The following ZFHX3 variants were observed in gnomAD, a reference collection of about 807,000 sequenced individuals.
ZFHX3 encodes zinc finger homeobox protein 3.
ZFHX3 carries 42 observed loss-of-function variants against 279.1 expected under a neutral mutation model. The ratio of observed to expected loss-of-function variants is 0.15; its 90% confidence interval spans 0.12 to 0.19. The LOEUF is 0.19. ZFHX3 is among the 10% of genes least tolerant of loss of function. The probability of loss-of-function intolerance (pLI) is 1.00; values close to 1 mark genes in which losing one functional copy is unlikely to be tolerated. For synonymous variants in ZFHX3, 2,293 were observed against 1,957.8 expected, an observed-to-expected ratio of 1.17 and a Z score of -4.52; for missense variants, 4,981 against 4,754.0, an observed-to-expected ratio of 1.05 and a Z score of -1.40.
At chr16:72,961,743 G>A (rs1172635884) in intron 1 of ZFHX3, among the ~76,000 whole-genome samples, 2 of 152,040 alleles carry the variant, frequency 1.3e-5, no homozygotes, top group Non-Finnish European at 2.9e-5. Context: ...TAACTTTTTG[G>A]AAGAATAAAG....
At chr16:73,818,601 C>T (rs1239692471) in intron 1 of ZFHX3, among the ~76,000 whole-genome samples, 1 of 152,188 alleles carries the variant, frequency 6.6e-6, no homozygotes, top group Non-Finnish European at 1.5e-5. Flanking sequence ...GACACCCACA[C>T]TCAATTCAAC....
intron 3 of ZFHX3, among the ~76,000 whole-genome samples, chr16:73,396,423 T>A (rs2017130377): frequency 1.4e-5 from 1 of 70,388 alleles, no homozygotes; most frequent in Non-Finnish European, 4.7e-5. Flanking sequence ...GAAGACTCAT[T>A]TATTTTTTTT....
intron 7 of ZFHX3, among the ~76,000 whole-genome samples, chr16:73,128,546 C>T (rs1483255937): frequency 2.0e-5 from 3 of 152,054 alleles, no homozygotes; most frequent in Non-Finnish European, 4.4e-5. Context: ...TTTTCCTATA[C>T]TGGCTCTCAG....
intron 5 of ZFHX3, among the ~76,000 whole-genome samples, chr16:73,223,567 G>A (rs1344653744): frequency 6.6e-6 from 1 of 152,182 alleles, no homozygotes; most frequent in Non-Finnish European, 1.5e-5. Context: ...TACTGGTGAG[G>A]ATATGGAGCA....
intron 2 of ZFHX3, among the ~76,000 whole-genome samples, chr16:73,660,571 G>A (rs2052771129): frequency 6.6e-6 from 1 of 151,920 alleles, no homozygotes; most frequent in African/African-American, 2.4e-5. Context: ...TTTTTTAAAA[G>A]GGAAAAAGGA....
At chr16:73,706,354 C>T (rs1488958134) in intron 1 of ZFHX3, among the ~76,000 whole-genome samples, 6 of 150,816 alleles carry the variant, frequency 4.0e-5, no homozygotes, top group Non-Finnish European at 7.4e-5. Flanking sequence ...CCCAGCTACT[C>T]GGGAGGCTGA....
Position 72,794,226 on chromosome 16 carries a change from G to A in ZFHX3, c.8456C>T (p.Ser2819Phe). 5 of 1,614,184 alleles carry A rather than the reference G, an allele frequency of 3.1e-6. No homozygotes were observed. The highest frequency in any genetic ancestry group is 1.1e-5 in the South Asian group (1 of 91,082). The change falls in exon 9 of 10, where the codon TCC (serine) becomes TTC (phenylalanine). Residue 2819 changes from serine to phenylalanine, a missense_variant. Around this residue, in one of 7 missense-constraint regions of ZFHX3, gnomAD observed 744 missense variants for 701.3 expected, o/e 1.06. Transcript: ENST00000268489. This position sits in a 1 kb window ranked among gnomAD's most constrained non-coding sequence, Gnocchi z 4.2. The part of the protein sequence containing the change: ...GIEDFESPSM[S>F]SVNLNFDQTK... Reference sequence around the variant, plus strand: ...TTGGTCAAAGTTTAGATTAACTGAGGACATGGAGGGGCTTTCAAAGTCTTC... The same window carrying A: ...TTGGTCAAAGTTTAGATTAACTGAGAACATGGAGGGGCTTTCAAAGTCTTC...
chr16:72,805,538 A>ATTG (rs770665679), intron 7 of ZFHX3, among the ~76,000 whole-genome samples: 2,142 of 152,344 alleles, frequency 0.014, 23 homozygotes, highest in African/African-American at 0.02. Context: ...AGACCAAGCC[A>ATTG]GTCTCTACAT....
intron 5 of ZFHX3, among the ~76,000 whole-genome samples, chr16:73,177,232 G>C (rs1967685677): frequency 6.6e-6 from 1 of 152,188 alleles, no homozygotes; most frequent in African/African-American, 2.4e-5. Context: ...GTGAGATAAT[G>C]GTTGGAGGGA....
chr16:73,054,168 C>T (rs1313805328), intron 1 of ZFHX3, among the ~76,000 whole-genome samples: 1 of 152,166 alleles, frequency 6.6e-6, no homozygotes, highest in Non-Finnish European at 1.5e-5. Context: ...CCATGCTCCA[C>T]GTTTCACTTA....
chr16:73,605,283 C>T (rs1385798459), intron 2 of ZFHX3, among the ~76,000 whole-genome samples: 1 of 152,178 alleles, frequency 6.6e-6, no homozygotes. Context: ...TCGCTGAAAA[C>T]CTCATCGTGG....
At chr16:73,455,526 T>C (rs1201798353) in intron 3 of ZFHX3, among the ~76,000 whole-genome samples, 1 of 152,128 alleles carries the variant, frequency 6.6e-6, no homozygotes. Flanking sequence ...AGGATGTGTA[T>C]GTGGAAGCCA....
At chr16:72,833,031 T>C (rs1250257062) in intron 4 of ZFHX3, among the ~76,000 whole-genome samples, 1 of 152,194 alleles carries the variant, frequency 6.6e-6, no homozygotes, top group Non-Finnish European at 1.5e-5. Context: ...AAAACAGAGA[T>C]GCAAACTGAA....
At chr16:72,962,351 A>T (rs1961620966) in intron 1 of ZFHX3, among the ~76,000 whole-genome samples, 1 of 152,180 alleles carries the variant, frequency 6.6e-6, no homozygotes, top group Non-Finnish European at 1.5e-5. Context: ...AGAGGCTGGG[A>T]CTTTTAAAAC....
At chr16:73,622,488 G>C (rs1597032797) in intron 2 of ZFHX3, among the ~76,000 whole-genome samples, 1 of 152,186 alleles carries the variant, frequency 6.6e-6, no homozygotes, top group Non-Finnish European at 1.5e-5. Flanking sequence ...TGTGAACCGG[G>C]GAGGTGGAGC....
At position 73,121,465 on chromosome 16, in the gene ZFHX3, A is replaced by G. The variant is rs559479112; in HGVS notation, c.-897+9503T>C. Among the ~76,000 whole-genome samples, 4 of 152,296 alleles carry G rather than the reference A, an allele frequency of 2.6e-5. No homozygotes were observed. In the South Asian group the frequency reaches 8.3e-4, roughly 32 times the overall value. On this transcript the variant is annotated intron_variant, in intron 7 of 17. Coordinates refer to the ZFHX3 transcript ENST00000641206. ...CACACATGGCTTGTACTGTGTTTCT[A>G]CTGGACATCTTTGGCCTAGACCATT...
intron 1 of ZFHX3, among the ~76,000 whole-genome samples, chr16:73,739,637 A>G (rs1218096806): frequency 6.6e-6 from 1 of 152,102 alleles, no homozygotes; most frequent in African/African-American, 2.4e-5. Context: ...TGGGGTGCAG[A>G]GTGGACTCTT....
At chr16:73,739,803 C>T (rs78719297) in intron 1 of ZFHX3, among the ~76,000 whole-genome samples, 5,586 of 152,288 alleles carry the variant, frequency 0.037, 350 homozygotes, top group African/African-American at 0.13. Context: ...GGGAGGGGCT[C>T]TCACTCACCA....
At position 73,313,847 on chromosome 16, in the gene ZFHX3, C is replaced by T. The variant is rs868293837; in HGVS notation, c.-1194+4393G>A. On this transcript the variant is annotated intron_variant, in intron 4 of 17. Coordinates refer to the ZFHX3 transcript ENST00000641206. ...CTTCAGTCAGCCACGGTAGCTCACACCTGTAATCCCAACACTTTGGGAGGC... is the reference window on the plus strand; with the variant it reads ...CTTCAGTCAGCCACGGTAGCTCACATCTGTAATCCCAACACTTTGGGAGGC... 6.6e-5 allele frequency among the ~76,000 whole-genome samples: 10 copies of T among 152,312 alleles called. No individual in the cohort carries two copies. The South Asian group carries it at 2.1e-3, about 32-fold the overall frequency.
Sources: gnomAD v4.1 joint callset for allele counts (sites outside exome capture counted in the v4.1 genomes callset) on GRCh38, gnomAD v4.1.1 for gene constraint, gnomAD v4.1.1 regional missense constraint, Gnocchi (gnomAD v3.1) non-coding constraint, MANE v1.5 for transcripts, NCBI Gene and HGNC (gene_info 2026-07-23, HGNC 2026-07-21) for gene names.